Variants in SEMA3E observed in about 807,000 individuals in gnomAD.
The protein encoded by SEMA3E is semaphorin-3E.
Under a neutral mutation model 93.6 loss-of-function variants are expected in SEMA3E, and 49 were observed. That is an observed-to-expected ratio of 0.52 (90% CI 0.42 to 0.66). The LOEUF is 0.66. Ranked by LOEUF, SEMA3E falls within the 30% of genes least tolerant of loss-of-function variation. The probability of loss-of-function intolerance (pLI) is 0.00; values close to 1 mark genes in which losing one functional copy is unlikely to be tolerated. For missense variants in SEMA3E, 906 were observed against 964.8 expected (o/e 0.94, Z 0.81); for synonymous variants, 363 against 330.7 (o/e 1.10, Z -1.06).
At chr7:83,500,907 C>CT (rs1323710374) in intron 1 of SEMA3E, among the ~76,000 whole-genome samples, 2 of 152,052 alleles carry the variant, frequency 1.3e-5, no homozygotes, top group Non-Finnish European at 2.9e-5. Flanking sequence ...TTTCAAAATA[C>CT]TTTCATGTAT....
intron 5 of SEMA3E, among the ~76,000 whole-genome samples, chr7:83,414,871 T>C (rs575200587): frequency 6.6e-6 from 1 of 152,118 alleles, no homozygotes; most frequent in East Asian, 1.9e-4. Context: ...CTGGAATTGG[T>C]AATACAACTA....
intron 1 of SEMA3E, among the ~76,000 whole-genome samples, chr7:83,638,759 C>T (rs1225448806): frequency 6.6e-6 from 1 of 152,074 alleles, no homozygotes; most frequent in Non-Finnish European, 1.5e-5. Context: ...TCCACACACA[C>T]AGCCCAGTGT....
chr7:83,641,010 T>C (rs1793998813), intron 1 of SEMA3E, among the ~76,000 whole-genome samples: 2 of 151,880 alleles, frequency 1.3e-5, no homozygotes, highest in African/African-American at 4.8e-5. Context: ...GAGGAGAGAA[T>C]GTAGATGAAA....
At chr7:83,576,683 T>C (rs1792407261) in intron 1 of SEMA3E, among the ~76,000 whole-genome samples, 3 of 152,162 alleles carry the variant, frequency 2.0e-5, no homozygotes. Context: ...TGGAGTGCAG[T>C]GGTGCAGTCT....
intron 16 of SEMA3E, among the ~76,000 whole-genome samples, chr7:83,376,040 A>G (rs972942996): frequency 6.6e-6 from 1 of 152,142 alleles, no homozygotes; most frequent in East Asian, 1.9e-4. Context: ...TGTTGTAAAG[A>G]GTTGTTAGTT....
At chr7:83,554,397 T>C (rs906009694) in intron 1 of SEMA3E, among the ~76,000 whole-genome samples, 5 of 152,188 alleles carry the variant, frequency 3.3e-5, no homozygotes, top group Non-Finnish European at 5.9e-5. Flanking sequence ...GTAGCACTCG[T>C]ATTCCTCCAG....
chr7:83,556,211 T>TA (rs2115819641), intron 1 of SEMA3E, among the ~76,000 whole-genome samples: 1 of 152,296 alleles, frequency 6.6e-6, no homozygotes, highest in South Asian at 2.1e-4. Flanking sequence ...TGCCTGCACT[T>TA]ACCTTCGCTT....
intron 4 of SEMA3E, among the ~76,000 whole-genome samples, chr7:83,440,862 G>T (rs1789100356): frequency 6.6e-6 from 1 of 151,056 alleles, no homozygotes; most frequent in South Asian, 2.1e-4. Context: ...AGCCCAGATG[G>T]ATTGTAACCA....
At chr7:83,576,786 A>C in intron 1 of SEMA3E, among the ~76,000 whole-genome samples, 1 of 151,854 alleles carries the variant, frequency 6.6e-6, no homozygotes. Context: ...CCACCACGCC[A>C]GGCTAATTTT....
intron 1 of SEMA3E, among the ~76,000 whole-genome samples, chr7:83,545,813 T>C (rs1562827140): frequency 7.4e-6 from 1 of 135,996 alleles, no homozygotes; most frequent in Non-Finnish European, 1.6e-5. Flanking sequence ...ATATATCCAG[T>C]ATTATATATA....
chr7:83,402,516 C>T (rs1788250799), intron 10 of SEMA3E, 116 bp downstream of exon 10: 3 of 897,006 alleles, frequency 3.3e-6, no homozygotes, highest in Non-Finnish European at 5.3e-6. Flanking sequence ...ACCAAGCATA[C>T]TTTTAGGTAT....
chr7:83,526,545 T>C (rs1332482455), intron 1 of SEMA3E, among the ~76,000 whole-genome samples: 1 of 152,154 alleles, frequency 6.6e-6, no homozygotes, highest in African/African-American at 2.4e-5. Context: ...CTTGGCACTT[T>C]CAATTCCTGA....
chr7:83,464,920 A>C (rs961073339), intron 4 of SEMA3E, among the ~76,000 whole-genome samples: 2 of 151,460 alleles, frequency 1.3e-5, no homozygotes, highest in Non-Finnish European at 2.9e-5. Context: ...TTTCTTATTA[A>C]TATAAGAAGG....
At chr7:83,626,357 C>T (rs1793667214) in intron 1 of SEMA3E, among the ~76,000 whole-genome samples, 2 of 151,770 alleles carry the variant, frequency 1.3e-5, no homozygotes, top group South Asian at 2.1e-4. Flanking sequence ...GGATGGTAGG[C>T]TATTAATTAC....
Position 83,363,859 on chromosome 7 carries a change from CATTTTTTTTTTTTTTTTT to C in SEMA3E, c.*3709_*3726del, listed in dbSNP as rs1794621938. ...AGGCTACAGGTGTCACAGGTCAATT[CATTTTTTTTTTTTTTTTT>C]TTTTTTTTTTTTTTTTTTTTTTTTT... On this transcript the variant is annotated 3_prime_UTR_variant, in exon 17 of 17. Transcript: ENST00000643230. 11 of 100,552 alleles carry C rather than the reference CATTTTTTTTTTTTTTTTT, an allele frequency of 1.1e-4. No individual in the cohort carries two copies. The highest frequency in any genetic ancestry group is 6.5e-3 in the Middle Eastern group (1 of 154). 6.2% of individuals were successfully genotyped at this position (100,552 alleles called of 1,614,324 possible).
At chr7:83,498,503 AG>A (rs60837877) in intron 1 of SEMA3E, among the ~76,000 whole-genome samples, 47,847 of 151,498 alleles carry the variant, frequency 0.32, 8,107 homozygotes, top group Middle Eastern at 0.48. Flanking sequence ...TTTTTGAAAC[AG>A]AGTCACTCTG....
chr7:83,511,595 AAAG>A (rs1790820133), intron 1 of SEMA3E, among the ~76,000 whole-genome samples: 1 of 152,124 alleles, frequency 6.6e-6, no homozygotes, highest in African/African-American at 2.4e-5. Flanking sequence ...ACATTAAATG[AAAG>A]AAGAGTCCTA....
In SEMA3E at chr7:83,410,318, T is replaced by C. The variant is rs575324865; in HGVS notation, c.551-1831A>G. Among the ~76,000 whole-genome samples the C allele has an allele frequency of 4.6e-5, 7 of 152,148 alleles. No individual in the cohort carries two copies. In the South Asian group the frequency reaches 1.2e-3, roughly 27 times the overall value. On this transcript the variant is annotated intron_variant, in intron 5 of 16. Transcript: ENST00000643230. Reference sequence around the variant, plus strand: ...TAGTTTTACTTCAAATTTCTTTGTATTTGAAAATTTTCAAGATCACAGAGT... The same window carrying C: ...TAGTTTTACTTCAAATTTCTTTGTACTTGAAAATTTTCAAGATCACAGAGT...
At chr7:83,499,363 C>T (rs923749234) in intron 1 of SEMA3E, among the ~76,000 whole-genome samples, 1 of 152,010 alleles carries the variant, frequency 6.6e-6, no homozygotes, top group African/African-American at 2.4e-5. Flanking sequence ...TGCCTGTATC[C>T]CCATAACCTC....
Sources: allele counts gnomAD v4.1 joint callset (sites outside exome capture counted in the v4.1 genomes callset), GRCh38; gene constraint gnomAD v4.1.1; transcripts MANE v1.5; gene names NCBI Gene and HGNC (gene_info 2026-07-23, HGNC 2026-07-21).